Variants in PCDHA2 observed in about 807,000 individuals in gnomAD.
PCDHA2 encodes the protein protocadherin alpha-2.
A neutral mutation model predicts 66.0 loss-of-function variants in PCDHA2; 58 were observed. The observed-to-expected ratio is 0.88, with a 90% CI of 0.71 to 1.09. The LOEUF (loss-of-function observed/expected upper bound fraction) is 1.09, where lower values mean the gene tolerates loss of function less well. Among genes scored for constraint, PCDHA2 ranks in the 50% least tolerant of loss-of-function variants. The pLI is 0.00. For synonymous variants in PCDHA2, 634 were observed against 554.0 expected (o/e 1.14, Z -2.03); for missense variants, 1,267 against 1,242.3 (o/e 1.02, Z -0.30).
chr5:140,876,979 G>T lies in PCDHA2; in HGVS notation c.2388+79627G>T. ...GGTGGAGCGGCGGGTGGGCGAGCAC[G>T]CACTGTCGAGCTACGTGTCGGTGCA... On this transcript the variant is annotated intron_variant, in intron 1 of 3. Transcript: ENST00000526136. The T allele has an allele frequency of 2.5e-6, 4 of 1,612,614 alleles. No homozygotes were observed. The South Asian group carries it at 3.3e-5, about 13-fold the overall frequency.
intron 1 of PCDHA2, among the ~76,000 whole-genome samples, chr5:140,894,320 G>T (rs191376863): frequency 1.1e-3 from 163 of 152,016 alleles, no homozygotes; most frequent in Non-Finnish European, 1.7e-3. Flanking sequence ...TTAAATTATA[G>T]ATTTTAGTAT....
intron 1 of PCDHA2, among the ~76,000 whole-genome samples, chr5:140,960,011 A>G (rs578052753): frequency 1.2e-4 from 18 of 152,350 alleles, no homozygotes; most frequent in Admixed American, 1.0e-3. Flanking sequence ...TCTATTTTGC[A>G]TCATGATTTT....
At chr5:140,902,504 C>G (rs2069506794) in intron 1 of PCDHA2, among the ~76,000 whole-genome samples, 1 of 151,984 alleles carries the variant, frequency 6.6e-6, no homozygotes, top group African/African-American at 2.4e-5. Context: ...AGCTGTGAGT[C>G]TGTCATATAT....
chr5:140,976,149 A>C (rs1397618914), intron 1 of PCDHA2, among the ~76,000 whole-genome samples: 1 of 152,182 alleles, frequency 6.6e-6, no homozygotes, highest in Non-Finnish European at 1.5e-5. Context: ...ACTCATGTAC[A>C]TTTTACTACT....
intron 1 of PCDHA2, chr5:140,850,632 C>T (rs2150491641): frequency 6.3e-7 from 1 of 1,598,646 alleles, no homozygotes. Flanking sequence ...CCTGTTGGTT[C>T]TCACGCTGCT....
intron 1 of PCDHA2, among the ~76,000 whole-genome samples, chr5:140,954,419 T>TG (rs1413660060): frequency 1.3e-5 from 2 of 151,998 alleles, no homozygotes; most frequent in African/African-American, 4.8e-5. Context: ...AAGGTGTTCC[T>TG]TTTTCTCCAT....
chr5:140,924,701 C>A (rs2081959929), intron 1 of PCDHA2, among the ~76,000 whole-genome samples: 1 of 152,008 alleles, frequency 6.6e-6, no homozygotes, highest in African/African-American at 2.4e-5. Flanking sequence ...TCGAGACCAG[C>A]TTGTGCAACA....
At chr5:140,995,410 T>C (rs555899259) in intron 3 of PCDHA2, among the ~76,000 whole-genome samples, 1 of 152,310 alleles carries the variant, frequency 6.6e-6, no homozygotes, top group Non-Finnish European at 1.5e-5. Flanking sequence ...CGAGATTTCA[T>C]CACATTACTC....
intron 1 of PCDHA2, chr5:140,834,806 C>T (rs1160090879): frequency 1.9e-6 from 3 of 1,612,728 alleles, no homozygotes; most frequent in African/African-American, 1.3e-5. Flanking sequence ...GGAATCTGTT[C>T]ATCGCGGAAT....
At chr5:140,824,067 CA>C in intron 1 of PCDHA2, 1 of 1,614,190 alleles carries the variant, frequency 6.2e-7, no homozygotes, top group Non-Finnish European at 8.5e-7. Context: ...AAGCTCCACC[CA>C]AAACAGACCT....
Position 141,010,284 on chromosome 5 carries a change from A to G in PCDHA2, c.*347A>G. 6.4e-7 allele frequency: 1 copy of G among 1,551,156 alleles called. No homozygotes were observed. Among genetic ancestry groups the G allele is most frequent in the Non-Finnish European group, 8.7e-7 (1 of 1,146,860 alleles). On this transcript the variant is annotated 3_prime_UTR_variant, in exon 4 of 4. Coordinates refer to ENST00000526136, the MANE Select transcript of PCDHA2 (RefSeq NM_018905.3). ...GCTCCGGGGATCCTGTCTTGATGACACTTGCAGGGCAGGCTGAAAAGTTTT... is the reference window on the plus strand; with the variant it reads ...GCTCCGGGGATCCTGTCTTGATGACGCTTGCAGGGCAGGCTGAAAAGTTTT...
chr5:140,835,710 G>A (rs1773867505), intron 1 of PCDHA2: 1 of 1,613,842 alleles, frequency 6.2e-7, no homozygotes, highest in Non-Finnish European at 8.5e-7. Context: ...TAGCGTGTCC[G>A]TGGAGGTGGC....
chr5:140,985,357 C>T (rs577732404), intron 3 of PCDHA2, among the ~76,000 whole-genome samples: 1 of 152,298 alleles, frequency 6.6e-6, no homozygotes, highest in East Asian at 1.9e-4. Flanking sequence ...TATAGACCCT[C>T]TGAGGTTATC....
At chr5:140,866,115 A>G (rs537982409) in intron 1 of PCDHA2, 85 of 152,328 alleles carry the variant, frequency 5.6e-4, no homozygotes, top group African/African-American at 1.9e-3. Flanking sequence ...GAGTTGCCTT[A>G]TAAGAACTAC....
intron 1 of PCDHA2, among the ~76,000 whole-genome samples, chr5:140,958,824 A>T (rs1008923744): frequency 8.5e-5 from 13 of 152,158 alleles, no homozygotes; most frequent in African/African-American, 3.1e-4. Context: ...TAATTTTTAT[A>T]TCTTAAAGTT....
At chr5:140,975,283 A>G (rs1554236730) in intron 1 of PCDHA2, among the ~76,000 whole-genome samples, 1 of 152,122 alleles carries the variant, frequency 6.6e-6, no homozygotes, top group Non-Finnish European at 1.5e-5. Context: ...TGACCTCTAG[A>G]CCCAGATTTA....
At chr5:140,876,577 A>G (rs1554168681) in intron 1 of PCDHA2, 2 of 1,614,182 alleles carry the variant, frequency 1.2e-6, no homozygotes, top group Non-Finnish European at 1.7e-6. Context: ...GGGTACCGTC[A>G]TTGCCCTGAT....
Position 140,851,565 on chromosome 5 carries a change from G to A in PCDHA2, c.2388+54213G>A, listed in dbSNP as rs558874725. 1.9e-4 allele frequency: 177 copies of A among 908,116 alleles called. 7 individuals carry two copies. The African/African-American group carries it at 3.0e-3, about 15-fold the overall frequency. The allele number at this position is 908,116 out of a possible 1,614,324, so 56.3% of individuals were successfully genotyped here. ...TTCAAGAAATGTTGACTGAAATTTT[G>A]TCTACACTTAGAACATTTTTTGAAA... On this transcript the variant is annotated intron_variant, in intron 1 of 3. Coordinates refer to ENST00000526136, the MANE Select transcript of PCDHA2 (RefSeq NM_018905.3).
In PCDHA2 at chr5:140,856,797, T is replaced by C. The variant is rs116416365; in HGVS notation, c.2388+59445T>C. The C allele has an allele frequency of 1.0e-3, 1,647 of 1,595,690 alleles. 103 individuals carry two copies. The African/African-American group carries it at 0.02, about 19-fold the overall frequency. On this transcript the variant is annotated intron_variant, in intron 1 of 3. Transcript: ENST00000526136. ...GACAGACCGGTTTATGAAGTTAAGA[T>C]GTATGAAAATCAAGTGAACCAAACA... is the stretch of plus-strand genomic sequence containing the variant.
Sources: gnomAD v4.1 joint callset for allele counts (sites outside exome capture counted in the v4.1 genomes callset) on GRCh38, gnomAD v4.1.1 for gene constraint, MANE v1.5 for transcripts, NCBI Gene and HGNC (gene_info 2026-07-23, HGNC 2026-07-21) for gene names.